The following MAGI3 variants were observed in gnomAD, a reference collection of about 807,000 sequenced individuals.
MAGI3 encodes membrane-associated guanylate kinase, WW and PDZ domain-containing protein 3.
A neutral mutation model predicts 121.8 loss-of-function variants in MAGI3; 43 were observed. The ratio of observed to expected loss-of-function variants is 0.35; its 90% CI spans 0.28 to 0.46. The LOEUF is 0.46. Ranked by LOEUF, MAGI3 falls within the 20% of genes least tolerant of loss-of-function variation. The pLI is 1.00. For missense variants in MAGI3, 1,547 were observed against 1,797.3 expected, an observed-to-expected ratio of 0.86 and a Z score of 2.52; for synonymous variants, 553 against 639.3, an observed-to-expected ratio of 0.86 and a Z score of 2.04.
At chr1:113,670,787 C>A (rs1399241285) in intron 16 of MAGI3, among the ~76,000 whole-genome samples, 1 of 152,122 alleles carries the variant, frequency 6.6e-6, no homozygotes, top group Non-Finnish European at 1.5e-5. Flanking sequence ...CTTTTATAGG[C>A]AAGACAATTC....
In MAGI3 at chr1:113,641,965, A is replaced by C. The variant is rs759381815; in HGVS notation, c.1415A>C (p.Asp472Ala). 6.2e-7 allele frequency: 1 copy of C among 1,612,020 alleles called. No homozygotes were observed. The highest frequency in any genetic ancestry group is 8.5e-7 in the Non-Finnish European group (1 of 1,178,244). ...TGTGTCCTCGGTCACACTCATGCAG[A>C]TGTTGTCCAGATGTTTCAATTGGTA... Reference protein sequence around the residue: ...GNCVLGHTHADVVQMFQLVPV... With the variant: ...GNCVLGHTHAAVVQMFQLVPV... The change falls in exon 10 of 21, where the codon GAT becomes GCT. Residue 472 changes from aspartate (D) to alanine (A), a missense_variant. Transcript: ENST00000307546.
intron 1 of MAGI3, among the ~76,000 whole-genome samples, chr1:113,433,683 GA>G (rs1183311744): frequency 6.6e-6 from 1 of 152,020 alleles, no homozygotes; most frequent in Non-Finnish European, 1.5e-5. Context: ...AAAAATTTTG[GA>G]AAATACAAAC....
Position 113,671,746 on chromosome 1 carries a change from C to T in MAGI3, c.2828C>T (p.Pro943Leu). The T allele has an allele frequency of 6.2e-7, 1 of 1,614,124 alleles. No individual in the cohort carries two copies. The highest frequency in any genetic ancestry group is 8.5e-7 in the Non-Finnish European group (1 of 1,179,984). The change falls in exon 17 of 21, where the codon CCA (proline) becomes CTA (leucine). Residue 943 changes from proline to leucine, a missense_variant. Physicochemically the swap from Pro to Leu is moderately conservative, Grantham distance 98 (BLOSUM62 -3). Coordinates refer to ENST00000307546, the MANE Select transcript of MAGI3 (RefSeq NM_001142782.2). Reference sequence around the variant, plus strand: ...CTCATTTGAACAGAGCATCATGGTCCACCATCAGGAACAAACTCAGCCAGG... The same window carrying T: ...CTCATTTGAACAGAGCATCATGGTCTACCATCAGGAACAAACTCAGCCAGG... ...TVIAEEEHHG[P>L]PSGTNSARQS... is the part of the protein sequence containing the mutation.
In MAGI3 at chr1:113,588,577, G is replaced by A. The variant is rs184154086; in HGVS notation, c.764-1907G>A. On this transcript the variant is annotated intron_variant, in intron 4 of 20. Transcript: ENST00000307546. ...TTTTAACAGGCTTATTGTGACTACT[G>A]TATTGAGAATAGGCAAAAGGAGGAC... Among the ~76,000 whole-genome samples the A allele has an allele frequency of 1.5e-3, 234 of 152,286 alleles. 1 individual carries two copies. Among genetic ancestry groups the A allele is most frequent in the African/African-American group, 4.7e-3 (196 of 41,566 alleles).
chr1:113,518,365 T>C (rs1389672140), intron 1 of MAGI3, among the ~76,000 whole-genome samples: 1 of 152,132 alleles, frequency 6.6e-6, no homozygotes. Flanking sequence ...AGCAGTGGCT[T>C]TCCATTGAAT....
chr1:113,648,203 A>G (rs976343903), intron 12 of MAGI3, among the ~76,000 whole-genome samples: 8 of 152,084 alleles, frequency 5.3e-5, no homozygotes, highest in African/African-American at 1.9e-4. Flanking sequence ...TTTAATCTCT[A>G]AAGTTCTACA....
intron 9 of MAGI3, among the ~76,000 whole-genome samples, chr1:113,639,079 C>T (rs1474371271): frequency 1.3e-5 from 2 of 152,202 alleles, no homozygotes; most frequent in African/African-American, 4.8e-5. Flanking sequence ...TTTTTAAGCC[C>T]ATCAGAAAAG....
chr1:113,575,200 A>G (rs1647548617), intron 2 of MAGI3, among the ~76,000 whole-genome samples: 1 of 152,120 alleles, frequency 6.6e-6, no homozygotes, highest in Non-Finnish European at 1.5e-5. Flanking sequence ...CAATTCATCA[A>G]ACTCATTCTC....
In MAGI3 at chr1:113,590,667, A is replaced by G; in HGVS notation, c.938+9A>G. 1 of 1,611,784 alleles carries G rather than the reference A, an allele frequency of 6.2e-7. No individual in the cohort carries two copies. Among genetic ancestry groups the G allele is most frequent in the Non-Finnish European group, 8.5e-7 (1 of 1,179,030 alleles). On this transcript the variant is annotated intron_variant, in intron 5 of 20. Transcript: ENST00000307546. ...ATGATCTACTTCATTGAGTAAGCAA[A>G]TGTCTCTATCTCTTCTAATGTGCCC...
At position 113,641,971 on chromosome 1, in the gene MAGI3, T is replaced by C; in HGVS notation, c.1421T>C (p.Val474Ala). The change falls in exon 10 of 21, where the codon GTC (valine) becomes GCC (alanine). Residue 474 changes from valine to alanine, a missense_variant. Physicochemically the swap from Val to Ala is moderately conservative, Grantham distance 64. Transcript: ENST00000307546. Reference protein sequence around the residue: ...CVLGHTHADVVQMFQLVPVNQ... With the variant: ...CVLGHTHADVAQMFQLVPVNQ... ...CTCGGTCACACTCATGCAGATGTTG[T>C]CCAGATGTTTCAATTGGTACCTGTC... is the stretch of plus-strand genomic sequence containing the variant. 2 of 1,613,632 alleles carry C rather than the reference T, an allele frequency of 1.2e-6. No individual in the cohort carries two copies. Among genetic ancestry groups the C allele is most frequent in the South Asian group, 2.2e-5 (2 of 91,066 alleles).
At chr1:113,523,143 G>A (rs946138742) in intron 1 of MAGI3, among the ~76,000 whole-genome samples, 5 of 152,174 alleles carry the variant, frequency 3.3e-5, no homozygotes, top group African/African-American at 1.2e-4. Flanking sequence ...TGTGAGACGT[G>A]CCTTTCACCT....
chr1:113,503,770 T>A (rs1003865251), intron 1 of MAGI3, among the ~76,000 whole-genome samples: 2 of 151,530 alleles, frequency 1.3e-5, no homozygotes, highest in African/African-American at 2.4e-5. Flanking sequence ...AGCTTGGTTA[T>A]TTGTAACAAG....
chr1:113,504,516 T>C (rs895418820), intron 1 of MAGI3, among the ~76,000 whole-genome samples: 1 of 152,132 alleles, frequency 6.6e-6, no homozygotes, highest in African/African-American at 2.4e-5. Context: ...AACTATCATT[T>C]TACATGCATA....
At chr1:113,576,718 A>T (rs1209398069) in intron 2 of MAGI3, 2 of 152,222 alleles carry the variant, frequency 1.3e-5, no homozygotes, top group East Asian at 3.8e-4. Flanking sequence ...TTCTAAATGT[A>T]TTAAAAAGAA....
At chr1:113,459,961 C>T (rs1397981626) in intron 1 of MAGI3, among the ~76,000 whole-genome samples, 1 of 152,156 alleles carries the variant, frequency 6.6e-6, no homozygotes, top group African/African-American at 2.4e-5. Context: ...GGCAGAGACA[C>T]AACAGAGAAA....
At chr1:113,420,862 A>T (rs754177599) in intron 1 of MAGI3, among the ~76,000 whole-genome samples, 1 of 152,158 alleles carries the variant, frequency 6.6e-6, no homozygotes, top group African/African-American at 2.4e-5. Flanking sequence ...ATGTCTGTAC[A>T]TGGGGGGAGT....
chr1:113,585,394 C>A lies in MAGI3; in HGVS notation c.561C>A (p.Phe187Leu), dbSNP rs764642069. ...CTATTTTATTCACTTCAGGAAACTT[C>A]TATGGAACTCCCAAGCCTCCAGCAG... is the stretch of plus-strand genomic sequence containing the variant. ...LLESGTYDGN[F>L]YGTPKPPAEP... is the part of the protein sequence containing the mutation. The change falls in exon 4 of 21, where the codon TTC becomes TTA. Residue 187 changes from phenylalanine (F) to leucine (L), a missense_variant. Phe to Leu is a conservative substitution (Grantham distance 22). Transcript: ENST00000307546. The A allele has an allele frequency of 6.2e-7, 1 of 1,613,890 alleles. No homozygotes were observed. The highest frequency in any genetic ancestry group is 8.5e-7 in the Non-Finnish European group (1 of 1,179,878).
chr1:113,671,442 A>G (rs1647546180), intron 16 of MAGI3, among the ~76,000 whole-genome samples: 1 of 152,252 alleles, frequency 6.6e-6, no homozygotes, highest in Admixed American at 6.5e-5. Context: ...TCTTCTAGAT[A>G]AATATTATGT....
At chr1:113,577,305 G>C (rs1472091437) in intron 2 of MAGI3, among the ~76,000 whole-genome samples, 1 of 152,200 alleles carries the variant, frequency 6.6e-6, no homozygotes, top group Non-Finnish European at 1.5e-5. Context: ...GTTCAGCAAA[G>C]TGGAGACTAT....
Sources: allele counts gnomAD v4.1 joint callset (sites outside exome capture counted in the v4.1 genomes callset), GRCh38; gene constraint gnomAD v4.1.1; transcripts MANE v1.5; gene names NCBI Gene and HGNC (gene_info 2026-07-23, HGNC 2026-07-21).